The following DOK5 variants were observed in gnomAD, a reference collection of about 807,000 sequenced individuals.
DOK5 encodes the protein docking protein 5.
Under a neutral mutation model 43.3 loss-of-function variants are expected in DOK5, and 27 were observed. That is an observed-to-expected ratio of 0.62 (90% CI 0.46 to 0.86). DOK5 has a LOEUF of 0.86. DOK5 is among the 40% of genes least tolerant of loss of function. DOK5 has a pLI of 0.00. For synonymous variants in DOK5, 146 were observed against 140.1 expected, an observed-to-expected ratio of 1.04 and a Z score of -0.30; for missense variants, 373 against 392.9, an observed-to-expected ratio of 0.95 and a Z score of 0.43.
intron 5 of DOK5, among the ~76,000 whole-genome samples, chr20:54,608,290 A>G (rs1430496680): frequency 6.6e-6 from 1 of 152,210 alleles, no homozygotes; most frequent in East Asian, 1.9e-4. Flanking sequence ...CCTCTGCCCC[A>G]GGGGAAACCA....
chr20:54,562,688 G>C lies in DOK5; in HGVS notation c.174+7648G>C, dbSNP rs369244028. Among the ~76,000 whole-genome samples the C allele has an allele frequency of 1.3e-3, 199 of 152,086 alleles. 1 individual carries two copies. Among genetic ancestry groups the C allele is most frequent in the African/African-American group, 4.7e-3 (193 of 41,480 alleles). On this transcript the variant is annotated intron_variant, in intron 2 of 7. Coordinates refer to ENST00000262593, the MANE Select transcript of DOK5 (RefSeq NM_018431.5). ...CCTCCTTGGCCTCCCAAAGTGCTGG[G>C]ATTACAGGCACGAGCCACTGTGCCA...
chr20:54,618,934 T>C (rs1192589933), intron 6 of DOK5, among the ~76,000 whole-genome samples: 1 of 148,798 alleles, frequency 6.7e-6, no homozygotes. Flanking sequence ...GGAGGATGAC[T>C]TGAGTCCAGG....
intron 1 of DOK5, among the ~76,000 whole-genome samples, chr20:54,506,132 A>G (rs1233588502): frequency 6.6e-6 from 1 of 152,268 alleles, no homozygotes; most frequent in Admixed American, 6.5e-5. Flanking sequence ...ATAAAAACAG[A>G]GAGTTGAGAA....
At chr20:54,633,525 G>A (rs960221961) in intron 6 of DOK5, among the ~76,000 whole-genome samples, 2 of 152,146 alleles carry the variant, frequency 1.3e-5, no homozygotes, top group African/African-American at 2.4e-5. Context: ...TATATGAAAC[G>A]GAAGATATGA....
chr20:54,626,612 A>T (rs1261947129), intron 6 of DOK5, among the ~76,000 whole-genome samples: 1 of 152,154 alleles, frequency 6.6e-6, no homozygotes, highest in Admixed American at 6.5e-5. Context: ...AGAAGTTCAC[A>T]TGTACCTTTC....
chr20:54,500,555 G>GT, intron 1 of DOK5, among the ~76,000 whole-genome samples: 1 of 133,670 alleles, frequency 7.5e-6, no homozygotes, highest in Non-Finnish European at 1.5e-5. Flanking sequence ...CATACCCAGT[G>GT]TATTTTTTTT....
At chr20:54,628,408 C>CAAAAAAAAAAA (rs56730310) in intron 6 of DOK5, among the ~76,000 whole-genome samples, 10 of 23,452 alleles carry the variant, frequency 4.3e-4, no homozygotes, top group African/African-American at 1.2e-3. Context: ...GACTCCGTCT[C>CAAAAAAAAAAA]AAAAAAAAAA....
chr20:54,516,973 C>G (rs764033144), intron 1 of DOK5, among the ~76,000 whole-genome samples: 1 of 152,186 alleles, frequency 6.6e-6, no homozygotes, highest in Non-Finnish European at 1.5e-5. Flanking sequence ...TACCGAGTTC[C>G]TTGAAAGCCA....
In DOK5 at chr20:54,650,523, C is replaced by G. The variant is rs1372353858; in HGVS notation, c.*44C>G. 16 of 1,578,906 alleles carry G rather than the reference C, an allele frequency of 1.0e-5. No individual in the cohort carries two copies. Among genetic ancestry groups the G allele is most frequent in the Non-Finnish European group, 1.3e-5 (15 of 1,150,506 alleles). On this transcript the variant is annotated 3_prime_UTR_variant, in exon 8 of 8. Transcript: ENST00000262593. ...GTTAACACACTTGTGATGTGTCAGC[C>G]ACAGATTCACCCAGGAGGTCACAGA... is the stretch of plus-strand genomic sequence containing the variant.
intron 1 of DOK5, among the ~76,000 whole-genome samples, chr20:54,477,647 T>TA (rs201764530): frequency 0.029 from 4,096 of 139,930 alleles, 142 homozygotes; most frequent in African/African-American, 0.084. Context: ...GGAGTTAAGT[T>TA]AAAAAAAAAA....
chr20:54,537,431 A>G (rs1983994857), intron 1 of DOK5, among the ~76,000 whole-genome samples: 1 of 152,260 alleles, frequency 6.6e-6, no homozygotes, highest in Non-Finnish European at 1.5e-5. Flanking sequence ...TGTGATAAAA[A>G]TGCCCCAAGG....
chr20:54,616,784 C>CTTTTTTTTTTTTTTTT (rs550110589), intron 6 of DOK5, among the ~76,000 whole-genome samples: 101 of 105,706 alleles, frequency 9.6e-4, no homozygotes, highest in African/African-American at 1.5e-3. Context: ...TTTTTTTTTT[C>CTTTTTTTTTTTTTTTT]TTTTTTTTTT....
At chr20:54,498,734 G>T (rs183953698) in intron 1 of DOK5, among the ~76,000 whole-genome samples, 48 of 152,294 alleles carry the variant, frequency 3.2e-4, no homozygotes, top group African/African-American at 1.1e-3. Flanking sequence ...AATAGAAAGT[G>T]GGGAAGGAGA....
At chr20:54,514,258 G>A (rs2146690126) in intron 1 of DOK5, among the ~76,000 whole-genome samples, 1 of 152,204 alleles carries the variant, frequency 6.6e-6, no homozygotes, top group East Asian at 1.9e-4. Flanking sequence ...TCATTATTCT[G>A]AATAATTCTG....
At chr20:54,491,022 T>A (rs1236798568) in intron 1 of DOK5, among the ~76,000 whole-genome samples, 2 of 152,244 alleles carry the variant, frequency 1.3e-5, no homozygotes. Context: ...AGGCTCTGAC[T>A]TCATTGTCAG....
intron 1 of DOK5, among the ~76,000 whole-genome samples, chr20:54,530,581 T>C (rs1386593870): frequency 6.6e-6 from 1 of 152,198 alleles, no homozygotes; most frequent in Admixed American, 6.5e-5. Context: ...CTTGCCAGTC[T>C]AACCTGGTTT....
At chr20:54,481,262 T>C (rs2146656674) in intron 1 of DOK5, among the ~76,000 whole-genome samples, 1 of 152,172 alleles carries the variant, frequency 6.6e-6, no homozygotes, top group East Asian at 1.9e-4. Context: ...CTCTGCCTCC[T>C]GGGTTCAAGC....
At chr20:54,632,459 A>G (rs571543899) in intron 6 of DOK5, among the ~76,000 whole-genome samples, 1 of 152,338 alleles carries the variant, frequency 6.6e-6, no homozygotes, top group Admixed American at 6.5e-5. Context: ...AGCTAATTCT[A>G]AATATTGGCA....
intron 2 of DOK5, among the ~76,000 whole-genome samples, chr20:54,583,763 T>G (rs1489536809): frequency 2.0e-5 from 3 of 152,196 alleles, no homozygotes; most frequent in African/African-American, 4.8e-5. Context: ...ACTCTCAGCC[T>G]ATGTGTGTCC....
Sources: allele counts gnomAD v4.1 joint callset (sites outside exome capture counted in the v4.1 genomes callset), GRCh38; gene constraint gnomAD v4.1.1; transcripts MANE v1.5; gene names NCBI Gene and HGNC (gene_info 2026-07-23, HGNC 2026-07-21).